Variants in SLC10A7 observed in about 807,000 individuals in gnomAD.
SLC10A7 encodes solute carrier family 10 member 7.
Under a neutral mutation model 43.2 loss-of-function variants are expected in SLC10A7, and 29 were observed. The observed-to-expected ratio is 0.67, with a 90% confidence interval of 0.50 to 0.92. The LOEUF is 0.92. Ranked by LOEUF, SLC10A7 falls within the 40% of genes least tolerant of loss-of-function variation. The pLI is 0.00. For synonymous variants in SLC10A7, 152 were observed against 144.8 expected (o/e 1.05, Z -0.35); for missense variants, 295 against 403.2 (o/e 0.73, Z 2.30).
At chr4:146,343,972 C>T (rs1285196973) in intron 5 of SLC10A7, among the ~76,000 whole-genome samples, 1 of 151,976 alleles carries the variant, frequency 6.6e-6, no homozygotes, top group East Asian at 1.9e-4. Context: ...TTAAATGATG[C>T]ATCATTCCAA....
rs188709451 is a variant in SLC10A7, at chr4:146,510,108, T to C, written c.184-59A>G. On this transcript the variant is annotated intron_variant, in intron 2 of 11. Transcript: ENST00000335472. ...TAAGAAAACTATTCCTGAAAGGAGA[T>C]CCCTACTAAAATAACATCACATGAG... The C allele has an allele frequency of 2.2e-4, 333 of 1,509,568 alleles. 1 individual carries two copies. The East Asian group carries it at 6.9e-3, about 31-fold the overall frequency. 93.5% of individuals were successfully genotyped at this position (1,509,568 alleles called of 1,614,324 possible). A position where few individuals can be genotyped will look rare whatever the true frequency, so the allele number is the denominator to read the frequency against.
intron 5 of SLC10A7, among the ~76,000 whole-genome samples, chr4:146,349,152 A>G (rs1734835104): frequency 1.3e-5 from 2 of 152,210 alleles, no homozygotes; most frequent in Admixed American, 1.3e-4. Context: ...AACACATTAC[A>G]ATTAGACCCA....
intron 6 of SLC10A7, among the ~76,000 whole-genome samples, 157 bp downstream of exon 6, chr4:146,325,804 G>A (rs1233342488): frequency 6.6e-6 from 1 of 152,102 alleles, no homozygotes; most frequent in Non-Finnish European, 1.5e-5. Flanking sequence ...AAGCTTCTTC[G>A]TATCTGAATA....
At chr4:146,446,530 T>C (rs1288741654) in intron 4 of SLC10A7, among the ~76,000 whole-genome samples, 2 of 151,040 alleles carry the variant, frequency 1.3e-5, no homozygotes, top group African/African-American at 4.9e-5. Flanking sequence ...GAGTCGAGAT[T>C]GTACCACTGC....
intron 10 of SLC10A7, among the ~76,000 whole-genome samples, chr4:146,274,940 G>GTCA (rs1235636644): frequency 6.6e-6 from 1 of 152,082 alleles, no homozygotes; most frequent in East Asian, 1.9e-4. Flanking sequence ...GGTTCCTACT[G>GTCA]TCATCAAAAT....
chr4:146,506,573 C>A (rs189615743), intron 3 of SLC10A7, among the ~76,000 whole-genome samples: 20 of 152,252 alleles, frequency 1.3e-4, no homozygotes, highest in Non-Finnish European at 2.2e-4. Context: ...GTAATAGTAA[C>A]CTTAAAGTAA....
chr4:146,505,370 AT>A (rs1262105208), intron 3 of SLC10A7, among the ~76,000 whole-genome samples: 17 of 152,142 alleles, frequency 1.1e-4, no homozygotes, highest in Admixed American at 7.2e-4. Flanking sequence ...TATGTAATAC[AT>A]GTAATATATG....
At chr4:146,434,522 T>C (rs1304168428) in intron 5 of SLC10A7, among the ~76,000 whole-genome samples, 5 of 152,282 alleles carry the variant, frequency 3.3e-5, no homozygotes, top group African/African-American at 1.2e-4. Context: ...TAAAAAGCAA[T>C]AATTGAGATG....
At chr4:146,371,450 T>C (rs575352514) in intron 5 of SLC10A7, among the ~76,000 whole-genome samples, 3 of 152,152 alleles carry the variant, frequency 2.0e-5, no homozygotes, top group East Asian at 3.9e-4. Flanking sequence ...AATGGTAGAG[T>C]TGATGCTGGG....
At chr4:146,283,372 C>A in intron 9 of SLC10A7, 107 bp from the exon 10 acceptor site, 1 of 823,174 alleles carries the variant, frequency 1.2e-6, no homozygotes, top group South Asian at 1.5e-5. Flanking sequence ...TTTGATCAAT[C>A]CTGGTGACAG....
At chr4:146,389,259 C>G (rs991030420) in intron 5 of SLC10A7, among the ~76,000 whole-genome samples, 2 of 151,486 alleles carry the variant, frequency 1.3e-5, no homozygotes, top group African/African-American at 4.9e-5. Context: ...CAGACCTCAC[C>G]ACTATGCAAT....
chr4:146,293,818 C>A, intron 8 of SLC10A7, 112 bp downstream of exon 8: 1 of 595,376 alleles, frequency 1.7e-6, no homozygotes, highest in Non-Finnish European at 2.8e-6. Flanking sequence ...TAAAATTAAG[C>A]ATTCATTTCT....
intron 7 of SLC10A7, among the ~76,000 whole-genome samples, chr4:146,298,893 G>T (rs143448437): frequency 6.6e-6 from 1 of 152,262 alleles, no homozygotes; most frequent in Non-Finnish European, 1.5e-5. Context: ...AGCTGTGTGT[G>T]CAGCCAAGCA....
At chr4:146,401,341 G>C (rs761325568) in intron 5 of SLC10A7, among the ~76,000 whole-genome samples, 1 of 152,166 alleles carries the variant, frequency 6.6e-6, no homozygotes, top group Non-Finnish European at 1.5e-5. Flanking sequence ...TCTGGATGAT[G>C]ATGGATGACT....
intron 5 of SLC10A7, among the ~76,000 whole-genome samples, chr4:146,383,727 T>A (rs972078508): frequency 1.3e-5 from 2 of 152,136 alleles, no homozygotes; most frequent in African/African-American, 4.8e-5. Flanking sequence ...CTGAGAAACC[T>A]GAAGTTCAGA....
chr4:146,265,403 T>C (rs528905933), intron 10 of SLC10A7, among the ~76,000 whole-genome samples: 1 of 152,298 alleles, frequency 6.6e-6, no homozygotes, highest in Admixed American at 6.5e-5. Flanking sequence ...CCTGCATTTT[T>C]CTCCATATAC....
intron 6 of SLC10A7, among the ~76,000 whole-genome samples, chr4:146,315,364 T>G (rs1438784478): frequency 6.6e-6 from 1 of 152,110 alleles, no homozygotes; most frequent in Non-Finnish European, 1.5e-5. Context: ...TAATGGCTGC[T>G]AAACACAGTA....
intron 5 of SLC10A7, among the ~76,000 whole-genome samples, chr4:146,418,946 A>G (rs539115737): frequency 2.6e-5 from 4 of 152,346 alleles, no homozygotes; most frequent in African/African-American, 7.2e-5. Flanking sequence ...AAAATCAGGA[A>G]AAACACTTGT....
intron 4 of SLC10A7, among the ~76,000 whole-genome samples, chr4:146,499,305 C>G (rs1429893239): frequency 1.3e-5 from 2 of 152,180 alleles, no homozygotes; most frequent in Non-Finnish European, 2.9e-5. Context: ...AGAGCCGCTA[C>G]ATGCAAGGCA....
Sources: allele counts gnomAD v4.1 joint callset (sites outside exome capture counted in the v4.1 genomes callset), GRCh38; gene constraint gnomAD v4.1.1; transcripts MANE v1.5; gene names NCBI Gene and HGNC (gene_info 2026-07-23, HGNC 2026-07-21).